Variants in ARHGAP15 observed in about 807,000 individuals in gnomAD.
The protein encoded by ARHGAP15 is rho GTPase-activating protein 15.
Under a neutral mutation model 63.7 loss-of-function variants are expected in ARHGAP15, and 51 were observed. That is an observed-to-expected ratio of 0.80 (90% CI 0.64 to 1.01). The LOEUF (loss-of-function observed/expected upper bound fraction) is 1.01. ARHGAP15 is among the 50% of genes least tolerant of loss of function. The probability of loss-of-function intolerance (pLI) is 0.00; values close to 1 mark genes in which losing one functional copy is unlikely to be tolerated. For missense variants in ARHGAP15, 560 were observed against 564.6 expected, an observed-to-expected ratio of 0.99 and a Z score of 0.08; for synonymous variants, 191 against 193.8, an observed-to-expected ratio of 0.99 and a Z score of 0.12.
At chr2:143,613,606 A>G (rs1698341429) in intron 11 of ARHGAP15, among the ~76,000 whole-genome samples, 1 of 152,150 alleles carries the variant, frequency 6.6e-6, no homozygotes, top group Non-Finnish European at 1.5e-5. Flanking sequence ...AAAATAGAAT[A>G]TTTTGACTTC....
At chr2:143,586,918 TCTC>T (rs1291925908) in intron 11 of ARHGAP15, among the ~76,000 whole-genome samples, 3 of 152,030 alleles carry the variant, frequency 2.0e-5, no homozygotes, top group African/African-American at 7.2e-5. Flanking sequence ...TCTCTCTTTC[TCTC>T]CTCCTCCATC....
chr2:143,254,812 A>G (rs1680338186), intron 6 of ARHGAP15, among the ~76,000 whole-genome samples: 1 of 152,058 alleles, frequency 6.6e-6, no homozygotes, highest in Non-Finnish European at 1.5e-5. Flanking sequence ...AATAATTGTT[A>G]CTGCTAAGGG....
rs1319673492 is a variant in ARHGAP15, at chr2:143,459,475, TATC to T, written c.703+22435_703+22437del. ...GCATATTAATAGTTTTCATAAATCT[TATC>T]AACTACTATATTTCATTGCATCATA... is the stretch of plus-strand genomic sequence containing the variant. On this transcript the variant is annotated intron_variant, in intron 8 of 13. Coordinates refer to ENST00000295095, the MANE Select transcript of ARHGAP15 (RefSeq NM_018460.4). 6.6e-5 allele frequency among the ~76,000 whole-genome samples: 10 copies of T among 152,252 alleles called. No individual in the cohort carries two copies. In the East Asian group the frequency reaches 7.7e-4, roughly 12 times the overall value.
chr2:143,497,035 A>G (rs1692846170), intron 9 of ARHGAP15, among the ~76,000 whole-genome samples: 1 of 152,192 alleles, frequency 6.6e-6, no homozygotes, highest in South Asian at 2.1e-4. Context: ...AGGACTGACA[A>G]GCTTCCACAA....
intron 12 of ARHGAP15, among the ~76,000 whole-genome samples, chr2:143,638,940 C>A (rs1680476279): frequency 6.6e-6 from 1 of 151,900 alleles, no homozygotes; most frequent in South Asian, 2.1e-4. Flanking sequence ...TTATAATACT[C>A]CTTTGTGGTT....
chr2:143,462,723 T>C (rs1691005144), intron 8 of ARHGAP15, among the ~76,000 whole-genome samples: 1 of 152,206 alleles, frequency 6.6e-6, no homozygotes, highest in Admixed American at 6.5e-5. Context: ...CATTGTAGAA[T>C]CACTCTGGGT....
intron 12 of ARHGAP15, among the ~76,000 whole-genome samples, chr2:143,635,424 C>T (rs1470082255): frequency 6.6e-6 from 1 of 151,982 alleles, no homozygotes; most frequent in Non-Finnish European, 1.5e-5. Context: ...TGCCTACATT[C>T]AGTCAGACAT....
intron 2 of ARHGAP15, among the ~76,000 whole-genome samples, chr2:143,176,453 C>A (rs1691012487): frequency 6.6e-6 from 1 of 151,778 alleles, no homozygotes. Context: ...AATTATATAT[C>A]CTAAATAAGC....
At chr2:143,607,320 A>T (rs190543754) in intron 11 of ARHGAP15, among the ~76,000 whole-genome samples, 75 of 152,256 alleles carry the variant, frequency 4.9e-4, no homozygotes, top group Non-Finnish European at 9.0e-4. Context: ...TTATCTTTTG[A>T]CTTAGAACAT....
chr2:143,404,046 T>G (rs1255228391), intron 6 of ARHGAP15, among the ~76,000 whole-genome samples: 1 of 151,790 alleles, frequency 6.6e-6, no homozygotes, highest in Non-Finnish European at 1.5e-5. Flanking sequence ...TTTACTGGCT[T>G]TGGAGTTGTT....
At chr2:143,135,068 G>A (rs2104981187) in intron 1 of ARHGAP15, among the ~76,000 whole-genome samples, 1 of 152,314 alleles carries the variant, frequency 6.6e-6, no homozygotes, top group African/African-American at 2.4e-5. Flanking sequence ...AGGAGACTAA[G>A]ACAGATGGGT....
At chr2:143,424,234 G>A (rs1275995826) in intron 6 of ARHGAP15, among the ~76,000 whole-genome samples, 5 of 152,102 alleles carry the variant, frequency 3.3e-5, no homozygotes, top group Non-Finnish European at 7.4e-5. Context: ...GTTGATGTCA[G>A]TCAACTTAGG....
At chr2:143,559,370 T>G (rs1410313145) in intron 11 of ARHGAP15, among the ~76,000 whole-genome samples, 3 of 152,322 alleles carry the variant, frequency 2.0e-5, no homozygotes, top group South Asian at 4.1e-4. Flanking sequence ...CCATGAGAAT[T>G]GACAATGTAA....
chr2:143,737,686 C>A (rs1282475452), intron 13 of ARHGAP15, among the ~76,000 whole-genome samples: 1 of 152,028 alleles, frequency 6.6e-6, no homozygotes, highest in African/African-American at 2.4e-5. Context: ...TTCTTCCCAT[C>A]CCTAATGGTA....
intron 6 of ARHGAP15, among the ~76,000 whole-genome samples, chr2:143,344,372 G>A (rs1685181074): frequency 6.6e-6 from 1 of 152,006 alleles, no homozygotes; most frequent in African/African-American, 2.4e-5. Flanking sequence ...GTAAGAATTG[G>A]CTTAATTTTA....
intron 12 of ARHGAP15, among the ~76,000 whole-genome samples, chr2:143,673,257 C>G (rs1167499518): frequency 6.6e-6 from 1 of 152,062 alleles, no homozygotes; most frequent in Non-Finnish European, 1.5e-5. Context: ...ACCTTTGAGA[C>G]CTAAGAAGTA....
intron 6 of ARHGAP15, among the ~76,000 whole-genome samples, chr2:143,409,733 A>G (rs1014414246): frequency 8.5e-5 from 13 of 152,118 alleles, no homozygotes; most frequent in Non-Finnish European, 1.5e-4. Flanking sequence ...TTATGCTACA[A>G]TTGCCTGTAG....
chr2:143,576,385 A>T (rs1033545899), intron 11 of ARHGAP15, among the ~76,000 whole-genome samples: 3 of 152,156 alleles, frequency 2.0e-5, no homozygotes, highest in Non-Finnish European at 2.9e-5. Context: ...ACATTGTCCT[A>T]AATAAGTGGG....
chr2:143,240,014 A>C (rs926262125), intron 5 of ARHGAP15, among the ~76,000 whole-genome samples: 2 of 147,862 alleles, frequency 1.4e-5, no homozygotes, highest in East Asian at 2.0e-4. Flanking sequence ...AAAAAAAAAA[A>C]AAAAAAACCA....
Sources: allele counts gnomAD v4.1 joint callset (sites outside exome capture counted in the v4.1 genomes callset), GRCh38; gene constraint gnomAD v4.1.1; transcripts MANE v1.5; gene names NCBI Gene and HGNC (gene_info 2026-07-23, HGNC 2026-07-21).